The following KCNMA1 variants were observed in gnomAD, a reference collection of about 807,000 sequenced individuals.
KCNMA1 encodes the protein potassium calcium-activated channel subfamily M alpha 1.
In KCNMA1, 29 loss-of-function variants were observed where a neutral mutation model predicts 140.0. The ratio of observed to expected loss-of-function variants is 0.21; its 90% CI spans 0.15 to 0.28. The LOEUF (loss-of-function observed/expected upper bound fraction) is 0.28. KCNMA1 is among the 10% of genes least tolerant of loss of function. The pLI is 1.00. For missense variants in KCNMA1, 880 were observed against 1,602.2 expected (o/e 0.55, Z 7.70); for synonymous variants, 612 against 611.9 (o/e 1.00, Z 0.00).
intron 13 of KCNMA1, among the ~76,000 whole-genome samples, chr10:77,075,832 G>A (rs183177252): frequency 6.6e-6 from 1 of 152,286 alleles, no homozygotes; most frequent in Admixed American, 6.5e-5. Flanking sequence ...CTTTGTTTCT[G>A]GAAACTTCGT....
chr10:77,282,062 G>T (rs192822340), intron 2 of KCNMA1, among the ~76,000 whole-genome samples: 1 of 152,208 alleles, frequency 6.6e-6, no homozygotes, highest in East Asian at 1.9e-4. Context: ...TTACTGACTG[G>T]TTCTGCCACG....
chr10:77,182,289 G>C (rs1031414292), intron 5 of KCNMA1, among the ~76,000 whole-genome samples: 1 of 152,158 alleles, frequency 6.6e-6, no homozygotes, highest in Non-Finnish European at 1.5e-5. Flanking sequence ...CTATCATTAG[G>C]GTTATGGCTG....
At chr10:77,518,801 T>C (rs2051621986) in intron 1 of KCNMA1, among the ~76,000 whole-genome samples, 1 of 152,140 alleles carries the variant, frequency 6.6e-6, no homozygotes, top group Non-Finnish European at 1.5e-5. Flanking sequence ...CACTTTGCCA[T>C]CAAAGACAAT....
intron 3 of KCNMA1, among the ~76,000 whole-genome samples, chr10:77,249,105 T>G (rs2059203375): frequency 6.6e-6 from 1 of 152,204 alleles, no homozygotes; most frequent in Non-Finnish European, 1.5e-5. Flanking sequence ...TCAGGCAGAA[T>G]GGGAATAGCC....
chr10:77,021,278 A>C (rs1051090297), intron 16 of KCNMA1, among the ~76,000 whole-genome samples: 14 of 152,164 alleles, frequency 9.2e-5, no homozygotes, highest in African/African-American at 3.4e-4. Flanking sequence ...AAATGCAGGT[A>C]AGCCTCACAC....
intron 5 of KCNMA1, among the ~76,000 whole-genome samples, chr10:77,151,089 CT>C (rs1057169632): frequency 4.6e-4 from 69 of 151,630 alleles, no homozygotes; most frequent in Non-Finnish European, 7.1e-4. Flanking sequence ...TTCTTTCTTT[CT>C]TTCTCTCTCT....
intron 2 of KCNMA1, among the ~76,000 whole-genome samples, chr10:77,317,479 T>A (rs1232905886): frequency 6.6e-6 from 1 of 152,040 alleles, no homozygotes; most frequent in Non-Finnish European, 1.5e-5. Context: ...CTCAGATGAG[T>A]ATTGGAGGAT....
At chr10:77,440,820 T>G (rs751025764) in intron 1 of KCNMA1, among the ~76,000 whole-genome samples, 2 of 151,956 alleles carry the variant, frequency 1.3e-5, no homozygotes, top group Non-Finnish European at 2.9e-5. Flanking sequence ...TCTTTTTTTG[T>G]TTTTGTTTTT....
At chr10:77,511,371 A>G (rs2048332199) in intron 1 of KCNMA1, among the ~76,000 whole-genome samples, 1 of 152,246 alleles carries the variant, frequency 6.6e-6, no homozygotes, top group African/African-American at 2.4e-5. Context: ...TATAATTCAG[A>G]ACTTGAAACA....
At chr10:77,111,706 C>T (rs2097329330) in intron 7 of KCNMA1, among the ~76,000 whole-genome samples, 1 of 152,146 alleles carries the variant, frequency 6.6e-6, no homozygotes, top group African/African-American at 2.4e-5. Context: ...GAGGCTCAGC[C>T]ACTGGTGGTC....
chr10:77,128,680 C>T (rs879268097), intron 5 of KCNMA1, among the ~76,000 whole-genome samples: 1 of 152,108 alleles, frequency 6.6e-6, no homozygotes, highest in Non-Finnish European at 1.5e-5. Flanking sequence ...ATATTTTAGG[C>T]TGTCACAACG....
chr10:77,368,189 A>G (rs1248385351), intron 2 of KCNMA1, among the ~76,000 whole-genome samples: 1 of 152,156 alleles, frequency 6.6e-6, no homozygotes, highest in Admixed American at 6.5e-5. Context: ...GTTGCCCCCC[A>G]TCCTCATCAC....
intron 2 of KCNMA1, among the ~76,000 whole-genome samples, chr10:77,269,740 G>A (rs945534911): frequency 6.6e-6 from 1 of 152,178 alleles, no homozygotes; most frequent in African/African-American, 2.4e-5. Flanking sequence ...TGGGACTCAG[G>A]TCTCTGCACT....
At chr10:77,280,840 G>A (rs1324433543) in intron 2 of KCNMA1, among the ~76,000 whole-genome samples, 2 of 152,052 alleles carry the variant, frequency 1.3e-5, no homozygotes, top group African/African-American at 2.4e-5. Flanking sequence ...GTCCTCAACT[G>A]GTTATAACAT....
At chr10:77,404,973 C>A (rs1262262507) in intron 1 of KCNMA1, among the ~76,000 whole-genome samples, 1 of 149,318 alleles carries the variant, frequency 6.7e-6, no homozygotes, top group Non-Finnish European at 1.5e-5. Flanking sequence ...ATTTGAACAC[C>A]CGGATCCAGC....
chr10:77,341,039 G>C (rs1459577195), intron 2 of KCNMA1, among the ~76,000 whole-genome samples: 10 of 152,108 alleles, frequency 6.6e-5, no homozygotes, highest in Non-Finnish European at 1.3e-4. Context: ...CCAGGGTCAT[G>C]GCCTCTCTGC....
chr10:77,048,108 C>CAATAAATAAATAAATAAACA lies in KCNMA1; in HGVS notation c.1750-8472_1750-8471insTGTTTATTTATTTATTTATT, dbSNP rs2095179395. On this transcript the variant is annotated intron_variant, in intron 14 of 27. Coordinates refer to ENST00000286628, the MANE Select transcript of KCNMA1 (RefSeq NM_001161352.2). ...GACCTGTCTGGACAACATGATGAGACAATAAATAAATAAATAAATAAATAA... is the reference window on the plus strand; with the variant it reads ...GACCTGTCTGGACAACATGATGAGACAATAAATAAATAAATAAACAAATAAATAAATAAATAAATAAATAA... Among the ~76,000 whole-genome samples the CAATAAATAAATAAATAAACA allele has an allele frequency of 3.5e-5, 5 of 143,582 alleles. No individual in the cohort carries two copies. The Admixed American group carries it at 3.5e-4, about 10-fold the overall frequency. The allele number at this position is 143,582 out of a possible 152,430, so 94.2% of individuals were successfully genotyped here.
At chr10:77,281,123 A>G (rs1233478362) in intron 2 of KCNMA1, among the ~76,000 whole-genome samples, 1 of 152,044 alleles carries the variant, frequency 6.6e-6, no homozygotes, top group Non-Finnish European at 1.5e-5. Flanking sequence ...AAATCAGAAA[A>G]TATCTGTGAT....
intron 5 of KCNMA1, among the ~76,000 whole-genome samples, chr10:77,175,989 A>T (rs2098748772): frequency 6.6e-6 from 1 of 152,200 alleles, no homozygotes; most frequent in African/African-American, 2.4e-5. Context: ...ATTCTTGATT[A>T]TTCTTACCAA....
Sources: allele counts gnomAD v4.1 joint callset (sites outside exome capture counted in the v4.1 genomes callset), GRCh38; gene constraint gnomAD v4.1.1; transcripts MANE v1.5; gene names NCBI Gene and HGNC (gene_info 2026-07-23, HGNC 2026-07-21).